ASIC2: variants seen among roughly 807,000 people sequenced by gnomAD.
The protein encoded by ASIC2 is acid-sensing ion channel 2.
In ASIC2, 25 loss-of-function variants were observed where a neutral mutation model predicts 57.3. The ratio of observed to expected loss-of-function variants is 0.44; its 90% CI spans 0.32 to 0.61. The LOEUF is 0.61. Among genes scored for constraint, ASIC2 ranks in the 20% least tolerant of loss-of-function variants. ASIC2 has a pLI of 0.06. For missense variants in ASIC2, 641 were observed against 738.1 expected, an observed-to-expected ratio of 0.87 and a Z score of 1.52; for synonymous variants, 319 against 307.5, an observed-to-expected ratio of 1.04 and a Z score of -0.39.
At chr17:33,633,937 G>T (rs1906260752) in intron 1 of ASIC2, among the ~76,000 whole-genome samples, 1 of 152,190 alleles carries the variant, frequency 6.6e-6, no homozygotes, top group African/African-American at 2.4e-5. Context: ...GCTTCCAGAG[G>T]CATTTCCTGC....
intron 1 of ASIC2, among the ~76,000 whole-genome samples, chr17:33,771,306 G>A (rs1911101111): frequency 6.6e-6 from 1 of 152,208 alleles, no homozygotes. Flanking sequence ...TGCACAGTAA[G>A]TGGCAGAGTC....
chr17:33,860,733 T>C (rs772073056), intron 1 of ASIC2, among the ~76,000 whole-genome samples: 3 of 152,234 alleles, frequency 2.0e-5, no homozygotes, highest in Non-Finnish European at 4.4e-5. Flanking sequence ...TTCACAGATA[T>C]ATTTTTGCTG....
intron 1 of ASIC2, among the ~76,000 whole-genome samples, chr17:33,831,072 G>A (rs950168700): frequency 9.2e-6 from 1 of 108,906 alleles, no homozygotes; most frequent in Non-Finnish European, 1.7e-5. Flanking sequence ...TTGCACCACT[G>A]CACTCCAGCC....
At chr17:33,483,920 G>A (rs556276326) in intron 1 of ASIC2, among the ~76,000 whole-genome samples, 2 of 152,170 alleles carry the variant, frequency 1.3e-5, no homozygotes, top group Admixed American at 1.3e-4. Context: ...GGGCCCAGTG[G>A]TATCACAGGG....
At chr17:33,415,758 G>C (rs1910821702) in intron 1 of ASIC2, among the ~76,000 whole-genome samples, 1 of 152,186 alleles carries the variant, frequency 6.6e-6, no homozygotes, top group African/African-American at 2.4e-5. Flanking sequence ...AGAGAGCAAA[G>C]TGGATGAAAG....
At chr17:33,420,864 C>T (rs1184164228) in intron 1 of ASIC2, among the ~76,000 whole-genome samples, 1 of 152,130 alleles carries the variant, frequency 6.6e-6, no homozygotes, top group East Asian at 1.9e-4. Flanking sequence ...ATCCCAGAGT[C>T]TTGGAAATAA....
chr17:33,689,725 A>G (rs369053839), intron 1 of ASIC2, among the ~76,000 whole-genome samples: 3 of 152,256 alleles, frequency 2.0e-5, no homozygotes, highest in African/African-American at 7.2e-5. Flanking sequence ...TTTTGAGATG[A>G]TATTTCATGA....
intron 1 of ASIC2, among the ~76,000 whole-genome samples, chr17:33,977,850 G>A (rs1236558870): frequency 1.3e-5 from 2 of 152,192 alleles, no homozygotes; most frequent in Non-Finnish European, 2.9e-5. Flanking sequence ...TGCACCCTGT[G>A]AGCAGACTGG....
At chr17:33,440,872 T>C (rs1270454230) in intron 1 of ASIC2, among the ~76,000 whole-genome samples, 1 of 152,266 alleles carries the variant, frequency 6.6e-6, no homozygotes, top group African/African-American at 2.4e-5. Flanking sequence ...AAGTGCTTTA[T>C]ATTACTTTCA....
intron 1 of ASIC2, among the ~76,000 whole-genome samples, chr17:33,855,372 T>A (rs402601): frequency 1.3e-5 from 2 of 152,034 alleles, no homozygotes; most frequent in South Asian, 4.1e-4. Flanking sequence ...ACTGAATAGC[T>A]GTGTGATTAC....
chr17:33,305,761 A>G (rs1365135951), intron 1 of ASIC2, among the ~76,000 whole-genome samples: 1 of 152,110 alleles, frequency 6.6e-6, no homozygotes, highest in East Asian at 1.9e-4. Flanking sequence ...TGGTTTCATT[A>G]AAAAAAAGTT....
At chr17:33,713,692 A>C (rs1037589693) in intron 1 of ASIC2, among the ~76,000 whole-genome samples, 1 of 152,260 alleles carries the variant, frequency 6.6e-6, no homozygotes, top group African/African-American at 2.4e-5. Flanking sequence ...GGGCAATGCT[A>C]TTCAACGCAG....
intron 1 of ASIC2, among the ~76,000 whole-genome samples, chr17:33,402,140 A>G (rs889785182): frequency 5.9e-5 from 9 of 152,142 alleles, no homozygotes; most frequent in Non-Finnish European, 1.2e-4. Context: ...AGCTGCTGGT[A>G]GGCTGGAGCT....
intron 1 of ASIC2, among the ~76,000 whole-genome samples, chr17:33,744,280 A>T (rs114226812): frequency 6.6e-6 from 1 of 152,352 alleles, no homozygotes; most frequent in African/African-American, 2.4e-5. Context: ...TAAATGGACC[A>T]AACTGCTGAG....
At chr17:33,979,859 G>A (rs1170034394) in intron 1 of ASIC2, among the ~76,000 whole-genome samples, 5 of 152,186 alleles carry the variant, frequency 3.3e-5, no homozygotes, top group South Asian at 2.1e-4. Context: ...TGAAGAACTC[G>A]GGAACTCAGT....
At chr17:33,075,310 T>C (rs1045952471) in intron 3 of ASIC2, among the ~76,000 whole-genome samples, 3 of 152,166 alleles carry the variant, frequency 2.0e-5, no homozygotes, top group Non-Finnish European at 4.4e-5. Flanking sequence ...CCTAGACACA[T>C]GGAAATGTGA....
At chr17:33,088,555 C>A (rs1215936207) in intron 3 of ASIC2, among the ~76,000 whole-genome samples, 2 of 143,258 alleles carry the variant, frequency 1.4e-5, no homozygotes, top group Non-Finnish European at 3.1e-5. Flanking sequence ...CCTTAGCATC[C>A]CCTGGCCAAA....
At chr17:33,318,002 C>T (rs577981087) in intron 1 of ASIC2, among the ~76,000 whole-genome samples, 105 of 151,874 alleles carry the variant, frequency 6.9e-4, no homozygotes, top group Admixed American at 3.9e-3. Context: ...AATGAAACCT[C>T]CAGCATAAGC....
At chr17:34,147,523 A>G (rs1291979479) in intron 1 of ASIC2, among the ~76,000 whole-genome samples, 1 of 152,234 alleles carries the variant, frequency 6.6e-6, no homozygotes, top group East Asian at 1.9e-4. Flanking sequence ...CTTTTATCAG[A>G]GAATTTCAAT....
Sources: gnomAD v4.1 joint callset for allele counts (sites outside exome capture counted in the v4.1 genomes callset) on GRCh38, gnomAD v4.1.1 for gene constraint, MANE v1.5 for transcripts, NCBI Gene and HGNC (gene_info 2026-07-23, HGNC 2026-07-21) for gene names.